TRPC4AP: variants seen among roughly 807,000 people sequenced by gnomAD.
TRPC4AP encodes the protein transient receptor potential cation channel subfamily C member 4 associated protein.
A neutral mutation model predicts 99.0 loss-of-function variants in TRPC4AP; 45 were observed. The observed-to-expected ratio is 0.45, with a 90% confidence interval of 0.36 to 0.58. The LOEUF (loss-of-function observed/expected upper bound fraction) is 0.58. Ranked by LOEUF, TRPC4AP falls within the 20% of genes least tolerant of loss-of-function variation. The pLI, the probability that TRPC4AP is intolerant of heterozygous loss-of-function variation, is 0.00. For missense variants in TRPC4AP, 879 were observed against 985.3 expected (o/e 0.89, Z 1.44); for synonymous variants, 408 against 385.8 (o/e 1.06, Z -0.67).
At chr20:35,011,903 C>T (rs549050609) in intron 11 of TRPC4AP, among the ~76,000 whole-genome samples, 8 of 152,334 alleles carry the variant, frequency 5.3e-5, no homozygotes, top group African/African-American at 1.4e-4. Flanking sequence ...CCGTTCCTCT[C>T]CTCCTGAATA....
rs749887412 is a variant in TRPC4AP at position 35,004,464 on chromosome 20, C to T, written c.2043G>A (p.Leu681=). 9 of 1,613,066 alleles carry T rather than the reference C, an allele frequency of 5.6e-6. No individual in the cohort carries two copies. The African/African-American group carries it at 1.1e-4, about 19-fold the overall frequency. The change falls in exon 17 of 19, where the codon CTG becomes CTA. Residue 681 remains leucine (L), a synonymous_variant. Transcript: ENST00000252015. ...GTCTGCCGGGGCCTCTCACCTGGGT[C>T]AGCGTCTGCACGTGGATGATGTTGA... ...RLINIIHVQT[L]TQENVSCLNT...
rs1303764790 is a variant in TRPC4AP at position 35,006,310 on chromosome 20, A to AAAGACTGCC, written c.1827+116_1827+124dup. On this transcript the variant is annotated intron_variant, in intron 15 of 18. Transcript: ENST00000252015. ...GAGCAGGTTCCAATGAATGTTTGCC[A>AAAGACTGCC]AAGACTGCCCAGACTCCCCCGTCGT... 8.6e-6 allele frequency: 10 copies of AAAGACTGCC among 1,168,772 alleles called. No homozygotes were observed. In the African/African-American group the frequency reaches 1.4e-4, roughly 16 times the overall value. 72.4% of individuals were successfully genotyped at this position (1,168,772 alleles called of 1,614,324 possible). A position where few individuals can be genotyped will look rare whatever the true frequency, so the allele number is the denominator to read the frequency against.
At chr20:35,068,984 A>AAAAAAAC (rs144241228) in intron 3 of TRPC4AP, among the ~76,000 whole-genome samples, 3,424 of 139,922 alleles carry the variant, frequency 0.024, 80 homozygotes, top group Middle Eastern at 0.056. Context: ...CACACAAAAA[A>AAAAAAAC]AACAAAACAT....
At chr20:35,005,616 C>T (rs1279488385) in intron 16 of TRPC4AP, 79 bp downstream of exon 16, 1 of 1,377,894 alleles carries the variant, frequency 7.3e-7, no homozygotes, top group Non-Finnish European at 1.0e-6. Flanking sequence ...TCATTCTTGT[C>T]TCCCTGCTGG....
At chr20:35,050,189 G>A (rs911436002) in intron 5 of TRPC4AP, among the ~76,000 whole-genome samples, 195 bp from the exon 6 acceptor site, 34 of 152,326 alleles carry the variant, frequency 2.2e-4, no homozygotes, top group African/African-American at 7.0e-4. Context: ...GTCTCCTGAC[G>A]TGCAGGCTAC....
intron 1 of TRPC4AP, among the ~76,000 whole-genome samples, chr20:35,091,033 G>C (rs990599467): frequency 6.6e-6 from 1 of 151,886 alleles, no homozygotes; most frequent in Non-Finnish European, 1.5e-5. Context: ...AAGAAGGAAA[G>C]AGCAAGTATT....
chr20:35,069,426 A>G lies in TRPC4AP; in HGVS notation c.298-14T>C. The stretch of plus-strand genomic sequence containing the variant: ...AGGAGAAATTTCCTAGTTTTTTTAA[A>G]AAAAAGTACATACATTGTTTTAGTA... On this transcript the variant is annotated splice_polypyrimidine_tract_variant and intron_variant, in intron 2 of 18. Coordinates refer to ENST00000252015, the MANE Select transcript of TRPC4AP (RefSeq NM_015638.3). 1 of 1,512,840 alleles carries G rather than the reference A, an allele frequency of 6.6e-7. No homozygotes were observed. Among genetic ancestry groups the G allele is most frequent in the East Asian group, 2.3e-5 (1 of 44,344 alleles). 93.7% of individuals were successfully genotyped at this position (1,512,840 alleles called of 1,614,324 possible).
At chr20:35,084,252 G>C (rs892521580) in intron 1 of TRPC4AP, among the ~76,000 whole-genome samples, 41 of 150,944 alleles carry the variant, frequency 2.7e-4, no homozygotes, top group Non-Finnish European at 2.9e-5. Flanking sequence ...CCGGGCAACA[G>C]TGCGAGACTC....
Position 35,051,033 on chromosome 20 carries a change from TACACACACAC to T in TRPC4AP, c.529-1049_529-1040del, listed in dbSNP as rs34091819. ...AAGAAACTGCAGTACTGCTATAGCT[TACACACACAC>T]ACACACACACACACACACACACACA... On this transcript the variant is annotated intron_variant, in intron 5 of 18. Coordinates refer to ENST00000252015, the MANE Select transcript of TRPC4AP (RefSeq NM_015638.3). 4.1e-5 allele frequency among the ~76,000 whole-genome samples: 6 copies of T among 144,994 alleles called. No homozygotes were observed. In the South Asian group the frequency reaches 8.9e-4, roughly 22 times the overall value.
intron 3 of TRPC4AP, among the ~76,000 whole-genome samples, chr20:35,065,076 C>A (rs749682320): frequency 1.8e-4 from 27 of 152,228 alleles, no homozygotes; most frequent in African/African-American, 6.0e-4. Flanking sequence ...CCAAGTAAGA[C>A]GTAAGATGCT....
chr20:35,086,507 ATGTGTG>A (rs35771366), intron 1 of TRPC4AP, among the ~76,000 whole-genome samples: 2 of 63,050 alleles, frequency 3.2e-5, no homozygotes, highest in African/African-American at 5.0e-5. Context: ...GTGTATATAT[ATGTGTG>A]TGTGTGTATA....
intron 1 of TRPC4AP, among the ~76,000 whole-genome samples, chr20:35,091,589 T>C (rs1165018969): frequency 2.0e-5 from 3 of 151,572 alleles, no homozygotes; most frequent in Non-Finnish European, 4.4e-5. Flanking sequence ...AAGCTGTCTT[T>C]AAATAAAGCT....
intron 7 of TRPC4AP, among the ~76,000 whole-genome samples, chr20:35,041,288 C>T (rs1357575150): frequency 6.6e-6 from 1 of 152,142 alleles, no homozygotes; most frequent in Non-Finnish European, 1.5e-5. Flanking sequence ...TCCTCATCCA[C>T]TCGTGATTTA....
At chr20:35,042,135 A>C (rs2083458147) in intron 7 of TRPC4AP, among the ~76,000 whole-genome samples, 1 of 152,218 alleles carries the variant, frequency 6.6e-6, no homozygotes. Context: ...AATTTCCTAA[A>C]ATGAGAACTC....
At chr20:35,081,355 G>GA (rs1223137324) in intron 1 of TRPC4AP, among the ~76,000 whole-genome samples, 1,968 of 138,536 alleles carry the variant, frequency 0.014, 29 homozygotes, top group African/African-American at 0.047. Context: ...TCTACCAAAG[G>GA]AAAAAAAAAA....
chr20:35,044,593 C>A lies in TRPC4AP; in HGVS notation c.777G>T (p.Gly259=), dbSNP rs367845366. The A allele has an allele frequency of 8.7e-6, 14 of 1,614,082 alleles. No homozygotes were observed. The Middle Eastern group carries it at 1.2e-3, about 133-fold the overall frequency. Residue 259 remains glycine (G), a synonymous_variant, in exon 7 of 19, where the codon GGG becomes GGT. Transcript: ENST00000252015. The stretch of plus-strand genomic sequence containing the variant: ...CAAGAAGCGTGTGCTTGTCATCATT[C>A]CCTGTATCCATCTCTGAAATGGTGA... ...LAVTISEMDT[G]NDDKHTLLAK...
At position 35,003,251 on chromosome 20, in the gene TRPC4AP, CTCCT is replaced by C; in HGVS notation, c.2285_2288del (p.Lys762ArgfsTer7). The C allele has an allele frequency of 2.5e-6, 4 of 1,614,206 alleles. No homozygotes were observed. Among genetic ancestry groups the C allele is most frequent in the Non-Finnish European group, 3.4e-6 (4 of 1,180,034 alleles). On this transcript the variant is annotated frameshift_variant, in exon 19 of 19. Coordinates refer to ENST00000252015, the MANE Select transcript of TRPC4AP (RefSeq NM_015638.3). LOFTEE classifies it high-confidence loss of function. ...CCGGGTTCAACAGGATGGACACTGT[CTCCT>C]TCCAGTATGAGAAGCTGATGCAGGA...
intron 5 of TRPC4AP, 134 bp downstream of exon 5, chr20:35,054,842 A>T: frequency 1.4e-6 from 1 of 728,336 alleles, no homozygotes; most frequent in Non-Finnish European, 2.2e-6. Flanking sequence ...TTTCAGGCAC[A>T]CATAAAATAA....
At chr20:35,079,475 GT>G (rs2084570051) in intron 1 of TRPC4AP, among the ~76,000 whole-genome samples, 1 of 152,046 alleles carries the variant, frequency 6.6e-6, no homozygotes, top group Non-Finnish European at 1.5e-5. Flanking sequence ...TTCTACCTTA[GT>G]AAACTACAGA....
Sources: gnomAD v4.1 joint callset for allele counts (sites outside exome capture counted in the v4.1 genomes callset) on GRCh38, gnomAD v4.1.1 for gene constraint, MANE v1.5 for transcripts, NCBI Gene and HGNC (gene_info 2026-07-23, HGNC 2026-07-21) for gene names.